Variants in MYO1E observed in about 807,000 individuals in gnomAD.
MYO1E encodes the protein myosin IE.
In MYO1E, 68 loss-of-function variants were observed where a neutral mutation model predicts 151.1. The ratio of observed to expected loss-of-function variants is 0.45; its 90% CI spans 0.37 to 0.55. The LOEUF (loss-of-function observed/expected upper bound fraction) is 0.55, where lower values mean the gene tolerates loss of function less well. Ranked by LOEUF, MYO1E falls within the 20% of genes least tolerant of loss-of-function variation. The pLI is 0.00. For missense variants in MYO1E, 1,363 were observed against 1,389.3 expected (o/e 0.98, Z 0.30); for synonymous variants, 601 against 501.7 (o/e 1.20, Z -2.64).
chr15:59,198,283 A>T (rs1485316708), intron 16 of MYO1E, among the ~76,000 whole-genome samples: 1 of 152,236 alleles, frequency 6.6e-6, no homozygotes, highest in African/African-American at 2.4e-5. Flanking sequence ...GCACTTGCTC[A>T]ACAGAAGCAG....
intron 1 of MYO1E, among the ~76,000 whole-genome samples, chr15:59,306,923 C>T (rs1407131668): frequency 6.6e-6 from 1 of 152,156 alleles, no homozygotes; most frequent in Non-Finnish European, 1.5e-5. Flanking sequence ...TTATGAGCAG[C>T]GTTGCAGCAA....
chr15:59,295,931 G>A (rs2080445852), intron 1 of MYO1E, among the ~76,000 whole-genome samples: 1 of 152,122 alleles, frequency 6.6e-6, no homozygotes, highest in South Asian at 2.1e-4. Flanking sequence ...GTCCCTCTGT[G>A]TGCTCAATCT....
chr15:59,189,983 G>A (rs1405323971), intron 17 of MYO1E, among the ~76,000 whole-genome samples: 1 of 152,202 alleles, frequency 6.6e-6, no homozygotes, highest in Non-Finnish European at 1.5e-5. Context: ...TAGTAGGCCT[G>A]CACCTTGGGG....
intron 26 of MYO1E, among the ~76,000 whole-genome samples, chr15:59,150,860 C>T (rs1217374567): frequency 6.6e-6 from 1 of 152,120 alleles, no homozygotes; most frequent in Non-Finnish European, 1.5e-5. Flanking sequence ...GGAAAGTGGG[C>T]CAGCAAGCTT....
intron 1 of MYO1E, among the ~76,000 whole-genome samples, chr15:59,345,389 T>A (rs1355665954): frequency 6.6e-6 from 1 of 152,180 alleles, no homozygotes; most frequent in African/African-American, 2.4e-5. Flanking sequence ...TTGGGGAGCC[T>A]CAAAATCCTG....
At chr15:59,365,089 G>A (rs964235507) in intron 1 of MYO1E, among the ~76,000 whole-genome samples, 2 of 147,852 alleles carry the variant, frequency 1.4e-5, no homozygotes, top group African/African-American at 2.5e-5. Context: ...GTGTGATCTC[G>A]GCTCACTGCA....
intron 1 of MYO1E, among the ~76,000 whole-genome samples, chr15:59,273,349 A>C (rs2080299264): frequency 6.7e-6 from 1 of 148,256 alleles, no homozygotes; most frequent in Non-Finnish European, 1.5e-5. Context: ...GGGGAGCTTA[A>C]AGTCCTATGA....
In MYO1E at chr15:59,134,383, C is replaced by T. The variant is rs559248325; in HGVS notation, c.*2997G>A. ...CACAAAACACTGTGGAAGAGACGGC[C>T]CTTTTGCATGTCTTTAAGCCAGTTG... On this transcript the variant is annotated 3_prime_UTR_variant, in exon 28 of 28. Transcript: ENST00000288235. 4.6e-5 allele frequency: 7 copies of T among 152,306 alleles called. No homozygotes were observed. The highest frequency in any genetic ancestry group is 1.3e-4 in the Admixed American group (2 of 15,294). 9.4% of individuals were successfully genotyped at this position (152,306 alleles called of 1,614,324 possible). A position where few individuals can be genotyped will look rare whatever the true frequency, so the allele number is the denominator to read the frequency against.
Position 59,282,050 on chromosome 15 carries a change from C to T in MYO1E, c.4-9601G>A, listed in dbSNP as rs187425171. ...ACCGATGTTAAGGTCTACCCTGGTG[C>T]CATGTTCCACACCTGGGGACACACT... On this transcript the variant is annotated intron_variant, in intron 1 of 27. Coordinates refer to ENST00000288235, the MANE Select transcript of MYO1E (RefSeq NM_004998.4). Among the ~76,000 whole-genome samples the T allele has an allele frequency of 3.3e-5, 5 of 152,272 alleles. No individual in the cohort carries two copies. In the East Asian group the frequency reaches 5.8e-4, roughly 18 times the overall value.
At chr15:59,182,963 T>C (rs984714431) in intron 18 of MYO1E, among the ~76,000 whole-genome samples, 28 of 152,204 alleles carry the variant, frequency 1.8e-4, no homozygotes, top group Non-Finnish European at 2.6e-4. Context: ...GCGCACAAGC[T>C]AGATCCCTCG....
chr15:59,293,259 C>T (rs1318236560), intron 1 of MYO1E, among the ~76,000 whole-genome samples: 1 of 152,202 alleles, frequency 6.6e-6, no homozygotes, highest in Non-Finnish European at 1.5e-5. Context: ...AAGCAACATT[C>T]TAAGCACTTT....
At chr15:59,161,341 A>C in intron 23 of MYO1E, 111 bp from the exon 24 acceptor site, 4 of 1,198,666 alleles carry the variant, frequency 3.3e-6, no homozygotes, top group Non-Finnish European at 4.6e-6. Flanking sequence ...TGAGGCGAGA[A>C]CGGACAATCT....
chr15:59,139,468 G>A (rs1480328144), intron 26 of MYO1E, among the ~76,000 whole-genome samples: 1 of 118,744 alleles, frequency 8.4e-6, no homozygotes, highest in Non-Finnish European at 1.7e-5. Context: ...CCTTTCACCC[G>A]CTCATTACTC....
Position 59,305,273 on chromosome 15 carries a change from A to G in MYO1E, c.4-32824T>C, listed in dbSNP as rs914460103. Among the ~76,000 whole-genome samples, 4 of 152,290 alleles carry G rather than the reference A, an allele frequency of 2.6e-5. No homozygotes were observed. In the East Asian group the frequency reaches 7.7e-4, roughly 29 times the overall value. ...CAGTGGCATGATCTCAGCTCACTGC[A>G]ACCTCTGCCTCCCGGGATCAAGCAA... is the stretch of plus-strand genomic sequence containing the variant. On this transcript the variant is annotated intron_variant, in intron 1 of 27. Coordinates refer to ENST00000288235, the MANE Select transcript of MYO1E (RefSeq NM_004998.4).
At chr15:59,371,762 G>A (rs557632929) in intron 1 of MYO1E, among the ~76,000 whole-genome samples, 1 of 152,192 alleles carries the variant, frequency 6.6e-6, no homozygotes, top group African/African-American at 2.4e-5. Flanking sequence ...TCCTCTTCAG[G>A]AGGTGTTTAC....
intron 1 of MYO1E, among the ~76,000 whole-genome samples, chr15:59,331,290 C>T (rs1258082965): frequency 2.0e-5 from 3 of 152,168 alleles, no homozygotes; most frequent in African/African-American, 7.2e-5. Context: ...GGTGGACTCA[C>T]TATATTATGG....
chr15:59,227,337 T>C (rs1297069078), intron 7 of MYO1E, 122 bp downstream of exon 7: 3 of 1,187,188 alleles, frequency 2.5e-6, no homozygotes, highest in Non-Finnish European at 3.7e-6. Flanking sequence ...CATTGACTTG[T>C]ACATGGTATC....
At chr15:59,238,719 G>A (rs1221530918) in intron 4 of MYO1E, among the ~76,000 whole-genome samples, 3 of 151,820 alleles carry the variant, frequency 2.0e-5, no homozygotes. Flanking sequence ...TTACAGGTGT[G>A]CACCACCATG....
At chr15:59,257,640 G>A (rs2080201342) in intron 3 of MYO1E, among the ~76,000 whole-genome samples, 1 of 152,160 alleles carries the variant, frequency 6.6e-6, no homozygotes. Flanking sequence ...GAAGATGAGA[G>A]TTTGGTGGGG....
Sources: gnomAD v4.1 joint callset for allele counts (sites outside exome capture counted in the v4.1 genomes callset) on GRCh38, gnomAD v4.1.1 for gene constraint, MANE v1.5 for transcripts, NCBI Gene and HGNC (gene_info 2026-07-23, HGNC 2026-07-21) for gene names.